PRKN: variants seen among roughly 807,000 people sequenced by gnomAD.
The protein encoded by PRKN is parkin RBR E3 ubiquitin protein ligase, also known as E3 ubiquitin-protein ligase parkin.
In PRKN, 56 loss-of-function variants were observed where a neutral mutation model predicts 59.5. That is an observed-to-expected ratio of 0.94 (90% CI 0.76 to 1.18). PRKN has a LOEUF of 1.18. PRKN is among the 50% of genes most tolerant of loss of function. The pLI, the probability that PRKN is intolerant of heterozygous loss-of-function variation, is 0.00. For synonymous variants in PRKN, 250 were observed against 222.1 expected (o/e 1.13, Z -1.12); for missense variants, 657 against 596.4 (o/e 1.10, Z -1.06).
intron 7 of PRKN, among the ~76,000 whole-genome samples, chr6:161,632,315 A>G (rs1783346017): frequency 6.6e-6 from 1 of 152,046 alleles, no homozygotes; most frequent in Non-Finnish European, 1.5e-5. Flanking sequence ...TTTACATGAG[A>G]AAAAAAACCC....
At chr6:162,455,909 T>C (rs1258715109) in intron 1 of PRKN, among the ~76,000 whole-genome samples, 1 of 152,068 alleles carries the variant, frequency 6.6e-6, no homozygotes, top group Admixed American at 6.5e-5. Context: ...AAAAATTAAG[T>C]GAGTTAAAAA....
chr6:162,373,657 T>C (rs1223008783), intron 2 of PRKN, among the ~76,000 whole-genome samples: 2 of 152,170 alleles, frequency 1.3e-5, no homozygotes, highest in African/African-American at 2.4e-5. Flanking sequence ...TACCCTTATA[T>C]AGGAAATTTT....
chr6:162,481,237 T>C (rs112480411), intron 1 of PRKN, among the ~76,000 whole-genome samples: 41 of 152,326 alleles, frequency 2.7e-4, no homozygotes, highest in African/African-American at 9.4e-4. Flanking sequence ...TCTAGCCAGC[T>C]TCAGATTTAT....
chr6:161,378,121 A>C lies in PRKN; in HGVS notation c.1167+8673T>G, dbSNP rs930686887. Among the ~76,000 whole-genome samples, 1 of 152,194 alleles carries C rather than the reference A, an allele frequency of 6.6e-6. No homozygotes were observed. Among genetic ancestry groups the C allele is most frequent in the Non-Finnish European group, 1.5e-5 (1 of 68,032 alleles). ...AAATCTGGAAGACTGAGGACAGGTAAGACAAGGAGCTCTGCAGAGCAGGCA... is the reference window on the plus strand; with the variant it reads ...AAATCTGGAAGACTGAGGACAGGTACGACAAGGAGCTCTGCAGAGCAGGCA... On this transcript the variant is annotated intron_variant, in intron 10 of 11. Transcript: ENST00000366898. The surrounding 1 kb of genome is among the most constrained non-coding windows in gnomAD (Gnocchi z 7.3).
rs191161054 is a variant in PRKN at position 161,844,665 on chromosome 6, G to A, written c.735-58757C>T. Among the ~76,000 whole-genome samples, 9 of 152,350 alleles carry A rather than the reference G, an allele frequency of 5.9e-5. No homozygotes were observed. In the East Asian group the frequency reaches 1.7e-3, roughly 29 times the overall value. On this transcript the variant is annotated intron_variant, in intron 6 of 11. Transcript: ENST00000366898. ...ACCACATTGGACAGCACAGAATAAG[G>A]CATTCATGCTGCTCCACCTTTCCCC...
At chr6:161,754,200 A>G (rs928191495) in intron 7 of PRKN, among the ~76,000 whole-genome samples, 12 of 152,004 alleles carry the variant, frequency 7.9e-5, no homozygotes, top group African/African-American at 2.9e-4. Context: ...GACAAGGAGG[A>G]AGAGTAGGCG....
At chr6:162,102,184 G>A (rs570851165) in intron 4 of PRKN, among the ~76,000 whole-genome samples, 10 of 152,000 alleles carry the variant, frequency 6.6e-5, no homozygotes, top group African/African-American at 2.2e-4. Flanking sequence ...AATACTCTCC[G>A]TCCCCCCACC....
At chr6:161,692,804 C>A (rs1176882358) in intron 7 of PRKN, among the ~76,000 whole-genome samples, 1 of 151,980 alleles carries the variant, frequency 6.6e-6, no homozygotes, top group African/African-American at 2.4e-5. Flanking sequence ...CAAAAATTAG[C>A]TGGCATGGTA....
chr6:161,535,313 ATTG>A (rs1779372085), intron 9 of PRKN, among the ~76,000 whole-genome samples: 1 of 152,232 alleles, frequency 6.6e-6, no homozygotes, highest in African/African-American at 2.4e-5. Flanking sequence ...AAAAATATAT[ATTG>A]TTACAAAAAA....
intron 6 of PRKN, among the ~76,000 whole-genome samples, chr6:161,921,571 T>C (rs1443148473): frequency 1.3e-5 from 2 of 152,222 alleles, no homozygotes; most frequent in Admixed American, 6.5e-5. Context: ...AGCTACTACA[T>C]TGCAACAGCT....
At chr6:162,021,941 G>A (rs1346855621) in intron 5 of PRKN, among the ~76,000 whole-genome samples, 2 of 152,074 alleles carry the variant, frequency 1.3e-5, no homozygotes, top group African/African-American at 2.4e-5. Flanking sequence ...GTGAGAACAT[G>A]CAATTATTTG....
At chr6:162,054,854 C>T (rs1777793291) in intron 4 of PRKN, among the ~76,000 whole-genome samples, 1 of 152,194 alleles carries the variant, frequency 6.6e-6, no homozygotes, top group South Asian at 2.1e-4. Context: ...TGGTTCATAA[C>T]TTTTTGACTA....
intron 7 of PRKN, among the ~76,000 whole-genome samples, chr6:161,736,592 G>T (rs886551919): frequency 1.3e-5 from 2 of 152,158 alleles, no homozygotes; most frequent in Non-Finnish European, 2.9e-5. Context: ...TAATCTCCTT[G>T]TCAACCAGGA....
chr6:161,651,262 C>T (rs955033983), intron 7 of PRKN, among the ~76,000 whole-genome samples: 2 of 152,154 alleles, frequency 1.3e-5, no homozygotes, highest in South Asian at 2.1e-4. Flanking sequence ...ACTTCATCCC[C>T]TTTGGTGTCT....
intron 9 of PRKN, among the ~76,000 whole-genome samples, chr6:161,495,143 T>C (rs561959625): frequency 6.6e-6 from 1 of 152,356 alleles, no homozygotes; most frequent in Admixed American, 6.5e-5. Flanking sequence ...ACTAATAAGA[T>C]ATCTTATATT....
At chr6:161,748,481 C>T (rs766498730) in intron 7 of PRKN, among the ~76,000 whole-genome samples, 7 of 151,990 alleles carry the variant, frequency 4.6e-5, no homozygotes, top group East Asian at 1.9e-4. Flanking sequence ...CTCCCACCCG[C>T]GCTTTGATTT....
At chr6:161,846,473 C>T (rs1583239650) in intron 6 of PRKN, among the ~76,000 whole-genome samples, 1 of 152,270 alleles carries the variant, frequency 6.6e-6, no homozygotes, top group Admixed American at 6.5e-5. Context: ...TATTGAGCAC[C>T]TGCCCAACAG....
intron 9 of PRKN, among the ~76,000 whole-genome samples, chr6:161,433,666 T>C (rs1312626860): frequency 1.3e-5 from 2 of 152,176 alleles, no homozygotes; most frequent in Non-Finnish European, 2.9e-5. Flanking sequence ...CCCTCTGGTG[T>C]ACAGATTCTA....
At chr6:162,556,356 T>TGTGTGTGTGTGTGTGTGTGC (rs1779580316) in intron 1 of PRKN, among the ~76,000 whole-genome samples, 2 of 65,498 alleles carry the variant, frequency 3.1e-5, no homozygotes, top group African/African-American at 8.9e-5. Context: ...TGTGTGTGTG[T>TGTGTGTGTGTGTGTGTGTGC]GTGTGTGTGT....
Sources: gnomAD v4.1 joint callset for allele counts (sites outside exome capture counted in the v4.1 genomes callset) on GRCh38, gnomAD v4.1.1 for gene constraint, Gnocchi (gnomAD v3.1) non-coding constraint, MANE v1.5 for transcripts, NCBI Gene and HGNC (gene_info 2026-07-23, HGNC 2026-07-21) for gene names.